LRP1B: variants seen among roughly 807,000 people sequenced by gnomAD.
LRP1B encodes the protein LDL receptor related protein 1B, also known as low-density lipoprotein receptor-related protein 1B.
Under a neutral mutation model 556.6 loss-of-function variants are expected in LRP1B, and 217 were observed. That is an observed-to-expected ratio of 0.39 (90% CI 0.35 to 0.44). LRP1B has a LOEUF of 0.44. Among genes scored for constraint, LRP1B ranks in the 20% least tolerant of loss-of-function variants. LRP1B has a pLI of 1.00. For missense variants in LRP1B, 5,053 were observed against 5,620.8 expected, an observed-to-expected ratio of 0.90 and a Z score of 3.23; for synonymous variants, 2,047 against 1,865.8, an observed-to-expected ratio of 1.10 and a Z score of -2.50.
At chr2:141,122,273 C>T (rs1295916379) in intron 7 of LRP1B, among the ~76,000 whole-genome samples, 8 of 152,120 alleles carry the variant, frequency 5.3e-5, no homozygotes, top group Non-Finnish European at 8.8e-5. Flanking sequence ...AACTAAAGAG[C>T]TTCTGCACAG....
At chr2:141,738,222 T>A (rs1420847582) in intron 2 of LRP1B, among the ~76,000 whole-genome samples, 1 of 152,144 alleles carries the variant, frequency 6.6e-6, no homozygotes, top group Non-Finnish European at 1.5e-5. Context: ...AAAAATTACA[T>A]CATGCCTAAG....
chr2:140,815,670 C>T (rs1406084598), intron 31 of LRP1B, among the ~76,000 whole-genome samples: 1 of 152,028 alleles, frequency 6.6e-6, no homozygotes, highest in Non-Finnish European at 1.5e-5. Flanking sequence ...TTTGTCAAGC[C>T]ATATATTTAG....
chr2:141,514,388 C>T (rs547443785), intron 2 of LRP1B, among the ~76,000 whole-genome samples: 1 of 152,284 alleles, frequency 6.6e-6, no homozygotes, highest in African/African-American at 2.4e-5. Context: ...TTGGGCCCCC[C>T]TTTCTCGTTG....
At chr2:141,386,676 A>C (rs1689844773) in intron 3 of LRP1B, among the ~76,000 whole-genome samples, 1 of 152,186 alleles carries the variant, frequency 6.6e-6, no homozygotes, top group Non-Finnish European at 1.5e-5. Context: ...AGCACATATA[A>C]CAATTATAAA....
chr2:141,753,483 A>G (rs1694204818), intron 2 of LRP1B, among the ~76,000 whole-genome samples: 1 of 151,760 alleles, frequency 6.6e-6, no homozygotes, highest in South Asian at 2.1e-4. Flanking sequence ...TGTGCGTATT[A>G]GACTTGGCTG....
chr2:142,061,808 TCA>T (rs1704929045), intron 1 of LRP1B, among the ~76,000 whole-genome samples: 2 of 152,006 alleles, frequency 1.3e-5, no homozygotes, highest in African/African-American at 4.8e-5. Context: ...TCTGATATTT[TCA>T]CCTCTTAAAA....
At chr2:140,695,832 T>C (rs973980290) in intron 41 of LRP1B, among the ~76,000 whole-genome samples, 1 of 152,184 alleles carries the variant, frequency 6.6e-6, no homozygotes, top group African/African-American at 2.4e-5. Flanking sequence ...TAATAATCTA[T>C]GGCACACTGT....
chr2:140,295,396 G>T (rs1377700541), intron 84 of LRP1B, among the ~76,000 whole-genome samples: 1 of 152,140 alleles, frequency 6.6e-6, no homozygotes, highest in Non-Finnish European at 1.5e-5. Context: ...ATGTTTTCTT[G>T]CTTCTGCAGA....
chr2:141,048,910 T>G (rs1025276364), intron 11 of LRP1B, 76 bp downstream of exon 11: 13 of 1,129,322 alleles, frequency 1.2e-5, no homozygotes, highest in African/African-American at 1.5e-5. Flanking sequence ...AAAGCTAGTC[T>G]GACACACACT....
At chr2:140,756,705 A>C (rs1474420391) in intron 35 of LRP1B, among the ~76,000 whole-genome samples, 1 of 152,154 alleles carries the variant, frequency 6.6e-6, no homozygotes, top group Non-Finnish European at 1.5e-5. Flanking sequence ...TAAAAGTTAA[A>C]ACATTGCATT....
chr2:141,926,152 G>C (rs1185669112), intron 1 of LRP1B, among the ~76,000 whole-genome samples: 1 of 152,066 alleles, frequency 6.6e-6, no homozygotes, highest in Non-Finnish European at 1.5e-5. Flanking sequence ...CATGCATACA[G>C]AAAATAAATA....
Position 140,456,546 on chromosome 2 carries a change from G to A in LRP1B, c.9872C>T (p.Ala3291Val), listed in dbSNP as rs1447316270. ...NGGCSHLCLL[A>V]PGKTHTCACP... ...TGCACAAGTGTGGGTTTTTCCAGGG[G>A]CTAAAAGGCACAAATGACTGCAACC... The change falls in exon 62 of 91, where the codon GCC (alanine) becomes GTC (valine). Residue 3291 changes from alanine (A) to valine (V), a missense_variant. Coordinates refer to ENST00000389484, the MANE Select transcript of LRP1B (RefSeq NM_018557.3). 2 of 1,613,204 alleles carry A rather than the reference G, an allele frequency of 1.2e-6. No homozygotes were observed. Among genetic ancestry groups the A allele is most frequent in the African/African-American group, 1.3e-5 (1 of 75,010 alleles).
intron 1 of LRP1B, among the ~76,000 whole-genome samples, chr2:141,935,966 T>C (rs937106526): frequency 6.6e-6 from 1 of 152,050 alleles, no homozygotes; most frequent in Non-Finnish European, 1.5e-5. Context: ...CTAAAAGAAA[T>C]AAATCATGCC....
rs115471724 is a variant in LRP1B, at chr2:141,738,076, A to T, written c.205+72203T>A. Among the ~76,000 whole-genome samples, 411 of 152,262 alleles carry T rather than the reference A, an allele frequency of 2.7e-3. 4 individuals are homozygous for T. Among genetic ancestry groups the T allele is most frequent in the African/African-American group, 9.5e-3 (393 of 41,568 alleles). On this transcript the variant is annotated intron_variant, in intron 2 of 90. Coordinates refer to ENST00000389484, the MANE Select transcript of LRP1B (RefSeq NM_018557.3). ...AGGAAAAAAAAAAATTGTGCTGTGC[A>T]CAATATTATCCACAGATCAGTACTA...
rs1462014331 is a variant in LRP1B, at chr2:140,851,792, A to T, written c.4580-9T>A. 2 of 1,593,312 alleles carry T rather than the reference A, an allele frequency of 1.3e-6. No homozygotes were observed. The highest frequency in any genetic ancestry group is 2.3e-5 in the South Asian group (2 of 87,034). ...TGCACAAGGATTGGGAGCTGTAATTACACAGTGAAATATGAACAGTGAAGA... is the reference window on the plus strand; with the variant it reads ...TGCACAAGGATTGGGAGCTGTAATTTCACAGTGAAATATGAACAGTGAAGA... On this transcript the variant is annotated splice_polypyrimidine_tract_variant and intron_variant, in intron 27 of 90. Transcript: ENST00000389484.
At chr2:141,444,426 C>G (rs951797157) in intron 3 of LRP1B, among the ~76,000 whole-genome samples, 1 of 151,828 alleles carries the variant, frequency 6.6e-6, no homozygotes, top group African/African-American at 2.4e-5. Flanking sequence ...CTTTCTTTCA[C>G]TTGCCTGATT....
chr2:142,023,463 TA>T (rs1242038199), intron 1 of LRP1B, among the ~76,000 whole-genome samples: 2 of 152,164 alleles, frequency 1.3e-5, no homozygotes, highest in African/African-American at 4.8e-5. Context: ...AAGACCCCAG[TA>T]AAGTCATAAG....
At chr2:140,638,342 G>A (rs1423508460) in intron 41 of LRP1B, among the ~76,000 whole-genome samples, 1 of 152,140 alleles carries the variant, frequency 6.6e-6, no homozygotes, top group East Asian at 1.9e-4. Flanking sequence ...AGTACCATAT[G>A]AGTAGGTGAC....
At chr2:140,680,899 G>A (rs1685836706) in intron 41 of LRP1B, among the ~76,000 whole-genome samples, 1 of 152,172 alleles carries the variant, frequency 6.6e-6, no homozygotes, top group South Asian at 2.1e-4. Flanking sequence ...CTTTCTAACA[G>A]AAAATACTAA....
Sources: allele counts gnomAD v4.1 joint callset (sites outside exome capture counted in the v4.1 genomes callset), GRCh38; gene constraint gnomAD v4.1.1; transcripts MANE v1.5; gene names NCBI Gene and HGNC (gene_info 2026-07-23, HGNC 2026-07-21).